Variants in TCERG1L observed in about 807,000 individuals in gnomAD.
The protein encoded by TCERG1L is transcription elongation regulator 1 like.
Under a neutral mutation model 56.3 loss-of-function variants are expected in TCERG1L, and 37 were observed. The observed-to-expected ratio is 0.66, with a 90% CI of 0.51 to 0.87. The LOEUF (loss-of-function observed/expected upper bound fraction) is 0.87, where lower values mean the gene tolerates loss of function less well. TCERG1L is among the 40% of genes least tolerant of loss of function. The probability of loss-of-function intolerance (pLI) is 0.00; values close to 1 mark genes in which losing one functional copy is unlikely to be tolerated. For synonymous variants in TCERG1L, 324 were observed against 326.3 expected, an observed-to-expected ratio of 0.99 and a Z score of 0.08; for missense variants, 799 against 774.2, an observed-to-expected ratio of 1.03 and a Z score of -0.38.
At chr10:131,124,339 A>C (rs1211455474) in intron 8 of TCERG1L, among the ~76,000 whole-genome samples, 1 of 152,110 alleles carries the variant, frequency 6.6e-6, no homozygotes, top group East Asian at 1.9e-4. Context: ...CCTTCCTCTC[A>C]TACCATTAGG....
chr10:131,187,486 C>T (rs1845256859), intron 4 of TCERG1L, among the ~76,000 whole-genome samples: 1 of 152,178 alleles, frequency 6.6e-6, no homozygotes, highest in Admixed American at 6.5e-5. Flanking sequence ...AACAGGACAG[C>T]CTCACCCAGG....
intron 4 of TCERG1L, among the ~76,000 whole-genome samples, chr10:131,221,114 C>T (rs1045741269): frequency 6.6e-6 from 1 of 152,238 alleles, no homozygotes; most frequent in Non-Finnish European, 1.5e-5. Flanking sequence ...GGCCCCCACG[C>T]CTGCCCCCAA....
At chr10:131,292,692 G>A (rs556830020) in intron 3 of TCERG1L, among the ~76,000 whole-genome samples, 34 of 152,226 alleles carry the variant, frequency 2.2e-4, no homozygotes, top group Admixed American at 9.8e-4. Flanking sequence ...CTGCCACATC[G>A]TGGTTCGGGT....
chr10:131,192,584 C>T (rs1222081310), intron 4 of TCERG1L, among the ~76,000 whole-genome samples: 1 of 144,394 alleles, frequency 6.9e-6, no homozygotes, highest in Admixed American at 6.9e-5. Context: ...TATAACAGCA[C>T]AATTCACAAC....
chr10:131,257,030 AAAGAAAGAAAGAAAGAAAGAAAG>A (rs1846178865), intron 4 of TCERG1L, among the ~76,000 whole-genome samples: 1 of 147,976 alleles, frequency 6.8e-6, no homozygotes, highest in Non-Finnish European at 1.5e-5. Context: ...AGAAAGAAAG[AAAGAAAGAAAGAAAGAAAGAAAG>A]AAAAGAAAGA....
chr10:131,160,453 C>T (rs1202450630), intron 6 of TCERG1L, among the ~76,000 whole-genome samples: 6 of 152,190 alleles, frequency 3.9e-5, no homozygotes, highest in Non-Finnish European at 1.5e-5. Context: ...GCCCTACACC[C>T]CGCCACTCCC....
In TCERG1L at chr10:131,103,046, G is replaced by A. The variant is rs370562261; in HGVS notation, c.1485+1219C>T. On this transcript the variant is annotated intron_variant, in intron 10 of 11. Coordinates refer to ENST00000368642, the MANE Select transcript of TCERG1L (RefSeq NM_174937.4). This position sits in a 1 kb window ranked among gnomAD's most constrained non-coding sequence, Gnocchi z 4.3. ...TTCCGTGTTTTCTGGGTGGCGTTTT[G>A]TAGAACTCCACCCTTCACTGTGCTG... is the stretch of plus-strand genomic sequence containing the variant. Among the ~76,000 whole-genome samples the A allele has an allele frequency of 1.2e-3, 180 of 152,010 alleles. 1 individual carries two copies. Among genetic ancestry groups the A allele is most frequent in the African/African-American group, 4.2e-3 (174 of 41,478 alleles).
intron 4 of TCERG1L, among the ~76,000 whole-genome samples, chr10:131,202,413 T>C (rs976160292): frequency 6.6e-6 from 1 of 152,100 alleles, no homozygotes; most frequent in African/African-American, 2.4e-5. Flanking sequence ...GAAACCCCAT[T>C]ACCACTAAAA....
chr10:131,217,918 G>T (rs1845688782), intron 4 of TCERG1L, among the ~76,000 whole-genome samples: 1 of 151,916 alleles, frequency 6.6e-6, no homozygotes, highest in Non-Finnish European at 1.5e-5. Context: ...TACAGACGAG[G>T]TTTCACCATG....
intron 11 of TCERG1L, chr10:131,095,664 AG>A (rs1048619064): frequency 6.6e-6 from 1 of 152,226 alleles, no homozygotes; most frequent in Non-Finnish European, 1.5e-5. Flanking sequence ...AATATATCCC[AG>A]TGTAAATTTT....
intron 4 of TCERG1L, among the ~76,000 whole-genome samples, chr10:131,237,069 C>T (rs916598172): frequency 4.6e-5 from 7 of 152,140 alleles, no homozygotes; most frequent in Non-Finnish European, 7.4e-5. Flanking sequence ...CCCTCCACCT[C>T]ACCCCATGCC....
chr10:131,186,511 C>A (rs1476267015), intron 4 of TCERG1L, among the ~76,000 whole-genome samples: 2 of 152,144 alleles, frequency 1.3e-5, no homozygotes, highest in Non-Finnish European at 2.9e-5. Context: ...CACGAGGCTG[C>A]AGATCTGATG....
intron 4 of TCERG1L, among the ~76,000 whole-genome samples, chr10:131,182,290 A>G (rs1845188869): frequency 1.3e-5 from 2 of 152,228 alleles, no homozygotes; most frequent in Non-Finnish European, 2.9e-5. Context: ...GAAAGGGAGG[A>G]AAAAACGCAC....
intron 3 of TCERG1L, among the ~76,000 whole-genome samples, chr10:131,300,733 CA>C (rs1846752656): frequency 6.6e-6 from 1 of 152,090 alleles, no homozygotes; most frequent in South Asian, 2.1e-4. Context: ...TGTATCTTGT[CA>C]ATAGTTTATC....
chr10:131,282,950 T>C (rs999622839), intron 3 of TCERG1L, among the ~76,000 whole-genome samples: 1 of 152,218 alleles, frequency 6.6e-6, no homozygotes, highest in Non-Finnish European at 1.5e-5. Context: ...TCTAAGAAAA[T>C]TAAAGTTCAG....
intron 4 of TCERG1L, among the ~76,000 whole-genome samples, chr10:131,202,457 C>T (rs1845450636): frequency 6.6e-6 from 1 of 152,142 alleles, no homozygotes. Flanking sequence ...TGGCGAGTGC[C>T]TGTAATCCCA....
At chr10:131,229,869 C>T (rs960991243) in intron 4 of TCERG1L, among the ~76,000 whole-genome samples, 2 of 152,082 alleles carry the variant, frequency 1.3e-5, no homozygotes, top group Non-Finnish European at 2.9e-5. Context: ...AGAATAAAGG[C>T]ACAGGGTGAG....
At chr10:131,191,818 TCG>T (rs1845304275) in intron 4 of TCERG1L, among the ~76,000 whole-genome samples, 1 of 107,972 alleles carries the variant, frequency 9.3e-6, no homozygotes, top group African/African-American at 3.7e-5. Context: ...TGAGCTGAGA[TCG>T]CGCCACTGCA....
intron 3 of TCERG1L, among the ~76,000 whole-genome samples, chr10:131,266,470 C>T (rs1350872870): frequency 6.6e-6 from 1 of 152,194 alleles, no homozygotes; most frequent in African/African-American, 2.4e-5. Flanking sequence ...AAAAATGTTA[C>T]GAGATCTTTG....
Sources: allele counts gnomAD v4.1 joint callset (sites outside exome capture counted in the v4.1 genomes callset), GRCh38; gene constraint gnomAD v4.1.1; non-coding constraint Gnocchi (gnomAD v3.1); transcripts MANE v1.5; gene names NCBI Gene and HGNC (gene_info 2026-07-23, HGNC 2026-07-21).